RIF1: variants seen among roughly 807,000 people sequenced by gnomAD.
RIF1 encodes replication timing regulatory factor 1, also known as telomere-associated protein RIF1.
Under a neutral mutation model 247.1 loss-of-function variants are expected in RIF1, and 45 were observed. The ratio of observed to expected loss-of-function variants is 0.18; its 90% CI spans 0.14 to 0.23. RIF1 has a LOEUF of 0.23. Among genes scored for constraint, RIF1 ranks in the 10% least tolerant of loss-of-function variants. RIF1 has a pLI of 1.00. For missense variants in RIF1, 2,967 were observed against 2,862.5 expected (o/e 1.04, Z -0.83); for synonymous variants, 1,087 against 978.8 (o/e 1.11, Z -2.06).
At chr2:151,418,213 C>CT (rs1434861216) in intron 6 of RIF1, among the ~76,000 whole-genome samples, 1 of 152,106 alleles carries the variant, frequency 6.6e-6, no homozygotes, top group Non-Finnish European at 1.5e-5. Flanking sequence ...CTTTCTGTAA[C>CT]TTTATTTTTT....
chr2:151,529,085 G>T, the RIF1 span: 2 of 709,764 alleles, frequency 2.8e-6, no homozygotes, highest in Non-Finnish European at 5.1e-6. Flanking sequence ...TGCTCCTGGG[G>T]CCTGACTCTT....
At chr2:151,513,522 A>G in the RIF1 span, 5 of 1,248,338 alleles carry the variant, frequency 4.0e-6, no homozygotes, top group East Asian at 2.5e-5. Flanking sequence ...GGGACACTTT[A>G]TGTCCTTAAA....
chr2:151,460,372 A>G (rs1412371883), intron 26 of RIF1, among the ~76,000 whole-genome samples: 3 of 152,212 alleles, frequency 2.0e-5, no homozygotes, highest in Non-Finnish European at 2.9e-5. Flanking sequence ...TATTCCAGGC[A>G]GCAGCCCCCT....
chr2:151,501,088 G>A (rs79552023), intron 11 of RIF1, among the ~76,000 whole-genome samples: 2,252 of 152,172 alleles, frequency 0.015, 79 homozygotes, highest in East Asian at 0.14. Flanking sequence ...AGAGTTCCAA[G>A]TAAATAAGAG....
At position 151,463,731 on chromosome 2, in the gene RIF1, A is replaced by C; in HGVS notation, c.4211A>C (p.Gln1404Pro). The change falls in exon 30 of 36, where the codon CAG becomes CCG. Residue 1404 changes from glutamine (Q) to proline (P), a missense_variant. Physicochemically the swap from Gln to Pro is moderately conservative, Grantham distance 76 (BLOSUM62 -1). Around this residue, in one of 7 missense-constraint regions of RIF1, gnomAD observed 2,028 missense variants for 1,825.6 expected, o/e 1.11. Transcript: ENST00000444746. ...SADQMVNEDS[Q>P]VQITPNQKTL... is the part of the protein sequence containing the mutation. Reference sequence around the variant, plus strand: ...GATCAAATGGTAAATGAGGATAGTCAGGTTCAGATAACTCCAAATCAGAAA... The same window carrying C: ...GATCAAATGGTAAATGAGGATAGTCCGGTTCAGATAACTCCAAATCAGAAA... 1 of 1,614,024 alleles carries C rather than the reference A, an allele frequency of 6.2e-7. No homozygotes were observed. The highest frequency in any genetic ancestry group is 8.5e-7 in the Non-Finnish European group (1 of 1,179,964).
intron 33 of RIF1, 33 bp from the exon 34 acceptor site, chr2:151,469,674 CTATA>C: frequency 7.1e-7 from 1 of 1,411,152 alleles, no homozygotes; most frequent in Non-Finnish European, 9.4e-7. Context: ...ATAAATAAAA[CTATA>C]TAATTATAAT....
rs1473767877 is a variant in RIF1, at chr2:151,481,773, A to G, written c.*6702A>G. 6.6e-6 allele frequency: 1 copy of G among 152,272 alleles called. No homozygotes were observed. The highest frequency in any genetic ancestry group is 1.5e-5 in the Non-Finnish European group (1 of 68,060). The allele number at this position is 152,272 out of a possible 1,614,324, so 9.4% of individuals were successfully genotyped here. Reference sequence around the variant, plus strand: ...CCCCTGGGTGGCATTAGATTCTTACAGGAGCGTGAACCCTATTGTGAACTG... The same window carrying G: ...CCCCTGGGTGGCATTAGATTCTTACGGGAGCGTGAACCCTATTGTGAACTG... On this transcript the variant is annotated 3_prime_UTR_variant, in exon 36 of 36. Coordinates refer to ENST00000444746, the MANE Select transcript of RIF1 (RefSeq NM_018151.5).
chr2:151,419,379 G>A (rs566490488), intron 6 of RIF1, among the ~76,000 whole-genome samples: 4 of 151,920 alleles, frequency 2.6e-5, no homozygotes, highest in Non-Finnish European at 4.4e-5. Context: ...AGGCTGGAGC[G>A]CAGTGGTGAG....
Position 151,443,701 on chromosome 2 carries a change from A to G in RIF1, c.1978A>G (p.Ile660Val). 1 of 1,562,022 alleles carries G rather than the reference A, an allele frequency of 6.4e-7. No individual in the cohort carries two copies. The highest frequency in any genetic ancestry group is 8.6e-7 in the Non-Finnish European group (1 of 1,159,204). The change falls in exon 18 of 36, where the codon ATT becomes GTT. Residue 660 changes from isoleucine to valine, a missense_variant. This residue lies in a region of RIF1 where 76 missense variants were observed against 113.3 expected (regional missense o/e 0.67). Coordinates refer to ENST00000444746, the MANE Select transcript of RIF1 (RefSeq NM_018151.5). ...SVIVTPLTELINQTNEVNQGD... is the reference protein window; with the variant it reads ...SVIVTPLTELVNQTNEVNQGD... ...TATAGTCACCCCATTAACTGAATTG[A>G]TTAATCAGGTATGAAATAAATCTGC...
At chr2:151,517,754 A>G in the RIF1 span, among the ~76,000 whole-genome samples, 1 of 152,306 alleles carries the variant, frequency 6.6e-6, no homozygotes, top group East Asian at 1.9e-4. Flanking sequence ...ACCTCTAAGC[A>G]TAGAAAAGGT....
chr2:151,468,593 G>A, intron 32 of RIF1, 42 bp downstream of exon 32: 1 of 1,602,266 alleles, frequency 6.2e-7, no homozygotes, highest in Non-Finnish European at 8.6e-7. Context: ...ATATTTTCAT[G>A]TTCAGTCAGT....
the RIF1 span, chr2:151,526,282 G>A: frequency 3.3e-6 from 5 of 1,537,364 alleles, no homozygotes; most frequent in Non-Finnish European, 3.6e-6. Flanking sequence ...CAGGAAAAGG[G>A]GCATTTCTTT....
chr2:151,465,405 A>C lies in RIF1; in HGVS notation c.5885A>C (p.Lys1962Thr), dbSNP rs1364009735. ...GCAGACACAGCTAAACTGAATGCCA[A>C]AGAAGTAGCAACTGAGGAATTTAAT... ...SEADTAKLNA[K>T]EVATEEFNSD... Residue 1962 changes from lysine to threonine, a missense_variant, in exon 30 of 36, where the codon AAA (lysine) becomes ACA (threonine). Physicochemically the swap from Lys to Thr is moderately conservative, Grantham distance 78 (BLOSUM62 -1). Coordinates refer to ENST00000444746, the MANE Select transcript of RIF1 (RefSeq NM_018151.5). 6.2e-7 allele frequency: 1 copy of C among 1,613,778 alleles called. No individual in the cohort carries two copies. The highest frequency in any genetic ancestry group is 1.1e-5 in the South Asian group (1 of 90,990).
In RIF1 at chr2:151,443,634, G is replaced by A; in HGVS notation, c.1911G>A (p.Lys637=). ...TAAATGTTATTAATCAAAATGCAAA[G>A]CAGTTGGAAAATAAGGAGCATCTCT... ...SVLNVINQNA[K]QLENKEHLWK... is the part of the protein sequence containing the mutation. The change falls in exon 18 of 36, where the codon AAG becomes AAA. Residue 637 remains lysine (K), a synonymous_variant. Coordinates refer to ENST00000444746, the MANE Select transcript of RIF1 (RefSeq NM_018151.5). 1 of 1,612,030 alleles carries A rather than the reference G, an allele frequency of 6.2e-7. No individual in the cohort carries two copies. Among genetic ancestry groups the A allele is most frequent in the East Asian group, 2.2e-5 (1 of 44,742 alleles).
In RIF1 at chr2:151,463,469, T is replaced by C. The variant is rs1438224548; in HGVS notation, c.3949T>C (p.Ser1317Pro). The C allele has an allele frequency of 6.2e-7, 1 of 1,614,008 alleles. No individual in the cohort carries two copies. ...TGAGCCGGAGAAAAATACTGAGGAA[T>C]CTGTTGAAGGCATTGTAGTCTTAGA... is the stretch of plus-strand genomic sequence containing the variant. ...RSEPEKNTEE[S>P]VEGIVVLENN... The change falls in exon 30 of 36, where the codon TCT becomes CCT. Residue 1317 changes from serine (S) to proline (P), a missense_variant. Physicochemically the swap from Ser to Pro is moderately conservative, Grantham distance 74 (BLOSUM62 -1). Coordinates refer to ENST00000444746, the MANE Select transcript of RIF1 (RefSeq NM_018151.5).
chr2:151,497,027 A>G, intron 10 of RIF1: 2 of 1,568,970 alleles, frequency 1.3e-6, no homozygotes, highest in Non-Finnish European at 1.7e-6. Flanking sequence ...TTTTCTTTGT[A>G]TAACACCTGT....
downstream of RIF1, among the ~76,000 whole-genome samples, chr2:151,509,014 A>G (rs187764127): frequency 9.5e-4 from 144 of 152,216 alleles, no homozygotes; most frequent in African/African-American, 3.3e-3. Flanking sequence ...CTCTTCAGGG[A>G]AGTTTTAGTT....
rs117361663 is a variant in RIF1, at chr2:151,445,685, T to C, written c.2094+240T>C. 2.3e-3 allele frequency among the ~76,000 whole-genome samples: 356 copies of C among 152,126 alleles called. 9 individuals are homozygous for C. In the East Asian group the frequency reaches 0.046, roughly 20 times the overall value. On this transcript the variant is annotated intron_variant, in intron 19 of 35. Transcript: ENST00000444746. ...GTCTCTGCCTCCCAAGTAGCTGGGATTACAGGACCATGCCACTGCGCCCAG... is the reference window on the plus strand; with the variant it reads ...GTCTCTGCCTCCCAAGTAGCTGGGACTACAGGACCATGCCACTGCGCCCAG...
At chr2:151,516,511 A>G in the RIF1 span, 1 of 1,613,626 alleles carries the variant, frequency 6.2e-7, no homozygotes. Context: ...TGGTGTTTCA[A>G]AGTCCAGCAT....
Sources: allele counts gnomAD v4.1 joint callset (sites outside exome capture counted in the v4.1 genomes callset), GRCh38; gene constraint gnomAD v4.1.1; regional missense constraint gnomAD v4.1.1; transcripts MANE v1.5; gene names NCBI Gene and HGNC (gene_info 2026-07-23, HGNC 2026-07-21).